RAPGEF6: variants seen among roughly 807,000 people sequenced by gnomAD.
RAPGEF6 encodes Rap guanine nucleotide exchange factor 6.
Under a neutral mutation model 171.4 loss-of-function variants are expected in RAPGEF6, and 56 were observed. The observed-to-expected ratio is 0.33, with a 90% CI of 0.26 to 0.41. The LOEUF is 0.41. RAPGEF6 is among the 10% of genes least tolerant of loss of function. The pLI, the probability that RAPGEF6 is intolerant of heterozygous loss-of-function variation, is 1.00. For synonymous variants in RAPGEF6, 692 were observed against 650.1 expected (o/e 1.06, Z -0.98); for missense variants, 1,674 against 1,921.4 (o/e 0.87, Z 2.41).
At chr5:131,571,421 A>G (rs755367386) in intron 4 of RAPGEF6, among the ~76,000 whole-genome samples, 1 of 152,246 alleles carries the variant, frequency 6.6e-6, no homozygotes, top group Non-Finnish European at 1.5e-5. Flanking sequence ...GTTTATTCAC[A>G]GATGACAAGA....
chr5:131,621,454 T>C (rs1397494584), intron 1 of RAPGEF6, among the ~76,000 whole-genome samples: 2 of 151,982 alleles, frequency 1.3e-5, no homozygotes, highest in African/African-American at 2.4e-5. Context: ...CTGATTTTTG[T>C]ACTTTTTTGT....
intron 13 of RAPGEF6, among the ~76,000 whole-genome samples, 187 bp from the exon 14 acceptor site, chr5:131,492,972 CTT>C (rs1317601443): frequency 6.6e-6 from 1 of 152,166 alleles, no homozygotes; most frequent in African/African-American, 2.4e-5. Context: ...GATTATAAGA[CTT>C]TTAAATTATC....
intron 21 of RAPGEF6, among the ~76,000 whole-genome samples, chr5:131,449,739 G>C (rs1318259460): frequency 1.3e-5 from 2 of 152,108 alleles, no homozygotes; most frequent in Admixed American, 6.5e-5. Context: ...ATGGCACATA[G>C]CAAGCACACA....
At chr5:131,456,774 T>C (rs1213660446) in intron 19 of RAPGEF6, among the ~76,000 whole-genome samples, 1 of 152,236 alleles carries the variant, frequency 6.6e-6, no homozygotes, top group Non-Finnish European at 1.5e-5. Flanking sequence ...TCCTGATTTC[T>C]GACTTTAAGG....
In RAPGEF6 at chr5:131,479,727, C is replaced by T. The variant is rs61758820; in HGVS notation, c.1867G>A (p.Glu623Lys). 1.2e-6 allele frequency: 2 copies of T among 1,613,738 alleles called. No homozygotes were observed. Among genetic ancestry groups the T allele is most frequent in the Non-Finnish European group, 1.7e-6 (2 of 1,179,884 alleles). The change falls in exon 16 of 28, where the codon GAA (glutamate) becomes AAA (lysine). Residue 623 changes from glutamate to lysine, a missense_variant. By Grantham distance (56) the Glu-to-Lys change is moderately conservative. Coordinates refer to ENST00000509018, the MANE Select transcript of RAPGEF6 (RefSeq NM_016340.6). ...FVFKELLFRT[E>K]QEKSGVPHIP... is the part of the protein sequence containing the mutation. ...TGAGGAACACCAGATTTCTCTTGTTCAGTCCTAAAAAGTAACTCTTTGAAC... is the reference window on the plus strand; with the variant it reads ...TGAGGAACACCAGATTTCTCTTGTTTAGTCCTAAAAAGTAACTCTTTGAAC...
chr5:131,432,543 A>G (rs1751773826), intron 25 of RAPGEF6, among the ~76,000 whole-genome samples: 1 of 152,056 alleles, frequency 6.6e-6, no homozygotes, highest in South Asian at 2.1e-4. Context: ...GCGTGAACCC[A>G]GGAGGCGGAG....
In RAPGEF6 at chr5:131,425,243, A is replaced by C. The variant is rs1270788909; in HGVS notation, c.*2023T>G. On this transcript the variant is annotated 3_prime_UTR_variant, in exon 28 of 28. Transcript: ENST00000509018. ...CAGGTAAGGCTTCCATTTGGTTTGA[A>C]AGACCTGCTAAATAAAGACATTATG... is the stretch of plus-strand genomic sequence containing the variant. 4 of 152,376 alleles carry C rather than the reference A, an allele frequency of 2.6e-5. No homozygotes were observed. Among genetic ancestry groups the C allele is most frequent in the Non-Finnish European group, 5.9e-5 (4 of 68,044 alleles). 9.4% of individuals were successfully genotyped at this position (152,376 alleles called of 1,614,324 possible).
intron 6 of RAPGEF6, among the ~76,000 whole-genome samples, chr5:131,536,438 G>C (rs1019392044): frequency 2.5e-4 from 38 of 152,096 alleles, no homozygotes; most frequent in Non-Finnish European, 3.8e-4. Context: ...TGAAGGAGGG[G>C]AGGCAAGAGT....
rs373225755 is a variant in RAPGEF6, at chr5:131,430,843, C to T, written c.4465+16G>A. On this transcript the variant is annotated intron_variant, in intron 26 of 27. Transcript: ENST00000509018. ...CTTAATCTCTAAATGCCACAGACAA[C>T]AAAAACACAACTTACCAATCAAGCC... is the stretch of plus-strand genomic sequence containing the variant. The T allele has an allele frequency of 6.3e-7, 1 of 1,584,596 alleles. No homozygotes were observed.
intron 1 of RAPGEF6, among the ~76,000 whole-genome samples, chr5:131,628,906 A>G (rs754774168): frequency 1.3e-5 from 2 of 152,196 alleles, no homozygotes; most frequent in African/African-American, 2.4e-5. Context: ...CTCAGAAAAA[A>G]AGATTCATTT....
At position 131,505,561 on chromosome 5, in the gene RAPGEF6, A is replaced by C. The variant is rs542131069; in HGVS notation, c.943-39T>G. ...CAAAGGTTTTATGAATCTTTTTAAA[A>C]AAGGTAGTTACATGTTAACTTTGAA... On this transcript the variant is annotated intron_variant, in intron 9 of 27. Transcript: ENST00000509018. 64 of 1,553,072 alleles carry C rather than the reference A, an allele frequency of 4.1e-5. No individual in the cohort carries two copies. The African/African-American group carries it at 8.1e-4, about 20-fold the overall frequency.
chr5:131,540,154 A>G (rs1760039546), intron 6 of RAPGEF6, among the ~76,000 whole-genome samples: 1 of 152,216 alleles, frequency 6.6e-6, no homozygotes, highest in African/African-American at 2.4e-5. Flanking sequence ...AAGCATCCTA[A>G]GCAACACAGA....
chr5:131,461,874 G>A lies in RAPGEF6; in HGVS notation c.2695C>T (p.His899Tyr). The A allele has an allele frequency of 6.2e-7, 1 of 1,614,062 alleles. No individual in the cohort carries two copies. Among genetic ancestry groups the A allele is most frequent in the Non-Finnish European group, 8.5e-7 (1 of 1,179,978 alleles). Residue 899 changes from histidine (H) to tyrosine (Y), a missense_variant, in exon 19 of 28, where the codon CAT (histidine) becomes TAT (tyrosine). Coordinates refer to ENST00000509018, the MANE Select transcript of RAPGEF6 (RefSeq NM_016340.6). ...ACAATGTCCTCAAACCTCTTCAAAT[G>A]AGTATTTCCTGTTTTGGAATTTAAC... The part of the protein sequence containing the change: ...FKLNSKTGNT[H>Y]LKRFEDIVNQ...
intron 14 of RAPGEF6, among the ~76,000 whole-genome samples, 157 bp from the exon 15 acceptor site, chr5:131,489,811 T>C (rs1276896923): frequency 6.6e-6 from 1 of 152,156 alleles, no homozygotes; most frequent in African/African-American, 2.4e-5. Context: ...CTACTGTTTT[T>C]CTTTTTCTCT....
At chr5:131,559,849 A>G (rs578128469) in intron 5 of RAPGEF6, among the ~76,000 whole-genome samples, 2 of 151,568 alleles carry the variant, frequency 1.3e-5, no homozygotes, top group East Asian at 1.9e-4. Flanking sequence ...AAAAGAAAAA[A>G]AAAAAAGAAA....
At chr5:131,464,444 C>CT (rs374880967) in intron 17 of RAPGEF6, 163 bp from the exon 18 acceptor site, 22,062 of 452,284 alleles carry the variant, frequency 0.049, 13 homozygotes, top group East Asian at 0.066. Flanking sequence ...TAAATATATC[C>CT]TTTTTTTTTT....
intron 24 of RAPGEF6, among the ~76,000 whole-genome samples, chr5:131,436,632 C>T (rs1752028478): frequency 6.6e-6 from 1 of 151,554 alleles, no homozygotes; most frequent in East Asian, 1.9e-4. Flanking sequence ...AAAACAAAAA[C>T]AAAAACAAAA....
intron 5 of RAPGEF6, among the ~76,000 whole-genome samples, chr5:131,554,390 G>T (rs747723850): frequency 6.6e-6 from 1 of 152,154 alleles, no homozygotes; most frequent in Non-Finnish European, 1.5e-5. Context: ...TATTAAATAC[G>T]TGGTTAAATA....
chr5:131,596,079 A>T (rs1339225274), intron 3 of RAPGEF6, among the ~76,000 whole-genome samples: 1 of 151,460 alleles, frequency 6.6e-6, no homozygotes, highest in Non-Finnish European at 1.5e-5. Flanking sequence ...GCTTGAACAC[A>T]GGAGGCAGAG....
Sources: gnomAD v4.1 joint callset for allele counts (sites outside exome capture counted in the v4.1 genomes callset) on GRCh38, gnomAD v4.1.1 for gene constraint, MANE v1.5 for transcripts, NCBI Gene and HGNC (gene_info 2026-07-23, HGNC 2026-07-21) for gene names.